The following PRICKLE4 variants were observed in gnomAD, a reference collection of about 807,000 sequenced individuals.
PRICKLE4 encodes the protein prickle-like protein 4.
Under a neutral mutation model 43.5 loss-of-function variants are expected in PRICKLE4, and 40 were observed. That is an observed-to-expected ratio of 0.92 (90% CI 0.71 to 1.20). PRICKLE4 has a LOEUF of 1.20. PRICKLE4 is among the 50% of genes most tolerant of loss of function. PRICKLE4 has a pLI of 0.00. For missense variants in PRICKLE4, 527 were observed against 491.2 expected, an observed-to-expected ratio of 1.07 and a Z score of -0.69; for synonymous variants, 208 against 197.4, an observed-to-expected ratio of 1.05 and a Z score of -0.45.
In PRICKLE4 at chr6:41,786,835, C is replaced by CTT. The variant is rs1554141832; in HGVS notation, c.861_862insTT (p.Leu288PhefsTer69). 4 of 1,602,724 alleles carry CTT rather than the reference C, an allele frequency of 2.5e-6. No homozygotes were observed. The highest frequency in any genetic ancestry group is 2.2e-5 in the South Asian group (2 of 89,520). The stretch of plus-strand genomic sequence containing the variant: ...ACTCTGCAACCCTCTCCCGAACACT[C>CTT]CTCGCTGCTGCCGGCGGTTCCAGCC... On this transcript the variant is annotated frameshift_variant, in exon 8 of 8. Transcript: ENST00000458694. LOFTEE classifies it high-confidence loss of function.
intron 6 of PRICKLE4, among the ~76,000 whole-genome samples, 194 bp downstream of exon 6, chr6:41,785,734 GC>G (rs1772632316): frequency 6.6e-6 from 1 of 152,162 alleles, no homozygotes; most frequent in Non-Finnish European, 1.5e-5. Flanking sequence ...CTTCTCTCTG[GC>G]CTCCCCCACT....
At chr6:41,782,384 TTC>T (rs200337902) in intron 2 of PRICKLE4, among the ~76,000 whole-genome samples, 965 of 52,114 alleles carry the variant, frequency 0.019, 47 homozygotes, top group African/African-American at 0.048. Flanking sequence ...TGGTCACTTC[TTC>T]TTTTTTTTTT....
intron 2 of PRICKLE4, among the ~76,000 whole-genome samples, chr6:41,782,745 G>A (rs1372633549): frequency 6.6e-6 from 1 of 152,174 alleles, no homozygotes; most frequent in Non-Finnish European, 1.5e-5. Flanking sequence ...GCTGCCGAGA[G>A]GAAAGCTGAA....
chr6:41,785,040 C>A lies in PRICKLE4; in HGVS notation c.346C>A (p.Leu116Ile), dbSNP rs537237904. The A allele has an allele frequency of 6.2e-7, 1 of 1,613,582 alleles. No homozygotes were observed. The highest frequency in any genetic ancestry group is 1.1e-5 in the South Asian group (1 of 91,016). ...ALGQGVARLV[L>I]PKLEGHTCEK... ...GGGACAGGGGGTAGCCCGCCTGGTA[C>A]TTCCCAAGCTTGAAGGACACACCTG... The change falls in exon 5 of 8, where the codon CTT (leucine) becomes ATT (isoleucine). Residue 116 changes from leucine to isoleucine, a missense_variant. By Grantham distance (5) the Leu-to-Ile change is conservative. Coordinates refer to ENST00000458694, the MANE Select transcript of PRICKLE4 (RefSeq NM_013397.6).
In PRICKLE4 at chr6:41,787,427, C is replaced by T; in HGVS notation, c.*298C>T. ...CGTCCCCACCATCCTCCTCCCAAGC[C>T]AATTAAATGATCACAGCACGCGTGA... On this transcript the variant is annotated 3_prime_UTR_variant, in exon 8 of 8. Coordinates refer to ENST00000458694, the MANE Select transcript of PRICKLE4 (RefSeq NM_013397.6). 1 of 612,698 alleles carries T rather than the reference C, an allele frequency of 1.6e-6. No individual in the cohort carries two copies. Among genetic ancestry groups the T allele is most frequent in the Non-Finnish European group, 2.8e-6 (1 of 358,860 alleles). 38.0% of individuals were successfully genotyped at this position (612,698 alleles called of 1,614,324 possible).
rs1772553636 is a variant in PRICKLE4, at chr6:41,781,505, A to C, written c.-28A>C. The C allele has an allele frequency of 2.0e-5, 3 of 152,852 alleles. No individual in the cohort carries two copies. 9.5% of individuals were successfully genotyped at this position (152,852 alleles called of 1,614,324 possible). A position where few individuals can be genotyped will look rare whatever the true frequency, so the allele number is the denominator to read the frequency against. On this transcript the variant is annotated 5_prime_UTR_variant, in exon 2 of 8. Coordinates refer to ENST00000458694, the MANE Select transcript of PRICKLE4 (RefSeq NM_013397.6). Reference sequence around the variant, plus strand: ...ACAGGAAACCTGACCTGAAGGACAGAAGAGGAAGGAAGCAGGTGGGTGTGA... The same window carrying C: ...ACAGGAAACCTGACCTGAAGGACAGCAGAGGAAGGAAGCAGGTGGGTGTGA...
rs142540120 is a variant in PRICKLE4 at position 41,783,352 on chromosome 6, C to T, written c.-12-110C>T. ...AAGATGGGGATAATGCTACCTAAGT[C>T]GTTTGGGTGTTGGGAGGACTGAGGG... On this transcript the variant is annotated intron_variant, in intron 2 of 7. Coordinates refer to ENST00000458694, the MANE Select transcript of PRICKLE4 (RefSeq NM_013397.6). 9.6e-6 allele frequency: 11 copies of T among 1,148,162 alleles called. No individual in the cohort carries two copies. In the East Asian group the frequency reaches 1.9e-4, roughly 20 times the overall value. The allele number at this position is 1,148,162 out of a possible 1,614,324, so 71.1% of individuals were successfully genotyped here.
At chr6:41,782,740 C>T (rs1423454005) in intron 2 of PRICKLE4, among the ~76,000 whole-genome samples, 4 of 151,994 alleles carry the variant, frequency 2.6e-5, no homozygotes, top group Non-Finnish European at 2.9e-5. Flanking sequence ...CAGGAGCTGC[C>T]GAGAGGAAAG....
Position 41,786,152 on chromosome 6 carries a change from G to A in PRICKLE4, c.607G>A (p.Glu203Lys), listed in dbSNP as rs775199447. Residue 203 changes from glutamate (E) to lysine (K), a missense_variant, in exon 7 of 8, where the codon GAG (glutamate) becomes AAG (lysine). Coordinates refer to ENST00000458694, the MANE Select transcript of PRICKLE4 (RefSeq NM_013397.6). ...GCTGATCTTCTCCTGGCGCTGCACC[G>A]AGGCGGAGGGACAGCGCTGGCATGA... ...DQLIFSWRCT[E>K]AEGQRWHENH... is the part of the protein sequence containing the mutation. 4 of 1,613,644 alleles carry A rather than the reference G, an allele frequency of 2.5e-6. No homozygotes were observed. The highest frequency in any genetic ancestry group is 2.2e-5 in the East Asian group (1 of 44,892).
rs3747752 is a variant in PRICKLE4, at chr6:41,785,795, G to C, written c.582+255G>C. On this transcript the variant is annotated intron_variant, in intron 6 of 7. Transcript: ENST00000458694. ...ACTCATCGAATTTCTCTAGAGCAGG[G>C]AGTCTTGGACACATGCTCATCTCAG... 2.4e-4 allele frequency among the ~76,000 whole-genome samples: 36 copies of C among 152,300 alleles called. No homozygotes were observed. In the East Asian group the frequency reaches 6.6e-3, roughly 28 times the overall value.
intron 7 of PRICKLE4, 117 bp downstream of exon 7, chr6:41,786,449 C>T (rs1200251967): frequency 8.2e-7 from 1 of 1,224,050 alleles, no homozygotes; most frequent in Non-Finnish European, 1.2e-6. Context: ...GGAGCGCCCC[C>T]ACCGCACCCC....
At chr6:41,784,108 C>T (rs777812378) in intron 3 of PRICKLE4, 23 bp from the exon 4 acceptor site, 2 of 1,552,990 alleles carry the variant, frequency 1.3e-6, no homozygotes, top group Non-Finnish European at 1.8e-6. Context: ...TTTCACTCCT[C>T]CCCTTCTTCC....
At chr6:41,782,794 T>C (rs1250873553) in intron 2 of PRICKLE4, among the ~76,000 whole-genome samples, 4 of 152,174 alleles carry the variant, frequency 2.6e-5, no homozygotes, top group African/African-American at 9.7e-5. Flanking sequence ...TGCTGCTATA[T>C]ATAAAAGTGC....
chr6:41,782,386 C>CT (rs71545914), intron 2 of PRICKLE4, among the ~76,000 whole-genome samples: 51 of 38,320 alleles, frequency 1.3e-3, no homozygotes, highest in East Asian at 1.8e-3. Context: ...GTCACTTCTT[C>CT]TTTTTTTTTT....
intron 7 of PRICKLE4, 120 bp downstream of exon 7, chr6:41,786,452 C>G (rs1379542833): frequency 8.2e-7 from 1 of 1,214,340 alleles, no homozygotes; most frequent in South Asian, 1.3e-5. Flanking sequence ...GCGCCCCCAC[C>G]GCACCCCCCA....
chr6:41,784,094 CTAGT>C (rs1772598639), intron 3 of PRICKLE4, 33 bp from the exon 4 acceptor site: 1 of 1,481,534 alleles, frequency 6.7e-7, no homozygotes, highest in Admixed American at 1.9e-5. Context: ...AAAGAAAAAC[CTAGT>C]TTCACTCCTC....
In PRICKLE4 at chr6:41,787,381, C is replaced by T; in HGVS notation, c.*252C>T. 1 of 628,260 alleles carries T rather than the reference C, an allele frequency of 1.6e-6. No individual in the cohort carries two copies. Among genetic ancestry groups the T allele is most frequent in the Non-Finnish European group, 2.7e-6 (1 of 374,160 alleles). The allele number at this position is 628,260 out of a possible 1,614,324, so 38.9% of individuals were successfully genotyped here. On this transcript the variant is annotated 3_prime_UTR_variant, in exon 8 of 8. Coordinates refer to ENST00000458694, the MANE Select transcript of PRICKLE4 (RefSeq NM_013397.6). ...CTGCTGAGATAGCCCCTACCCCCAC[C>T]TCCACAGGCTGGGACAGCCCCGTCC...
chr6:41,785,763 T>C (rs573621641), intron 6 of PRICKLE4, among the ~76,000 whole-genome samples: 1 of 152,318 alleles, frequency 6.6e-6, no homozygotes, highest in African/African-American at 2.4e-5. Context: ...CCCTCAAATG[T>C]TCCTGGACTC....
At position 41,786,298 on chromosome 6, in the gene PRICKLE4, C is replaced by T. The variant is rs1316194506; in HGVS notation, c.753C>T (p.Ser251=). Residue 251 remains serine (S), a synonymous_variant, in exon 7 of 8, where the codon AGC becomes AGT. Coordinates refer to ENST00000458694, the MANE Select transcript of PRICKLE4 (RefSeq NM_013397.6). ...ACCGCTACTCGGATGCAGGCTCGAGCTGGGCCGGGGCACTGGAAGGGCAGG... is the reference window on the plus strand; with the variant it reads ...ACCGCTACTCGGATGCAGGCTCGAGTTGGGCCGGGGCACTGGAAGGGCAGG... ...FENRYSDAGS[S]WAGALEGQAF... 2 of 1,581,258 alleles carry T rather than the reference C, an allele frequency of 1.3e-6. No individual in the cohort carries two copies. The highest frequency in any genetic ancestry group is 2.7e-5 in the African/African-American group (2 of 74,378).
Sources: gnomAD v4.1 joint callset for allele counts (sites outside exome capture counted in the v4.1 genomes callset) on GRCh38, gnomAD v4.1.1 for gene constraint, MANE v1.5 for transcripts, NCBI Gene and HGNC (gene_info 2026-07-23, HGNC 2026-07-21) for gene names.